The following ATRNL1 variants were observed in gnomAD, a reference collection of about 807,000 sequenced individuals.
ATRNL1 encodes attractin-like protein 1.
In ATRNL1, 95 loss-of-function variants were observed where a neutral mutation model predicts 182.7. The observed-to-expected ratio is 0.52, with a 90% CI of 0.44 to 0.62. The LOEUF (loss-of-function observed/expected upper bound fraction) is 0.62. Ranked by LOEUF, ATRNL1 falls within the 20% of genes least tolerant of loss-of-function variation. The probability of loss-of-function intolerance (pLI) is 0.00; values close to 1 mark genes in which losing one functional copy is unlikely to be tolerated. For missense variants in ATRNL1, 1,471 were observed against 1,679.5 expected (o/e 0.88, Z 2.17); for synonymous variants, 576 against 568.3 (o/e 1.01, Z -0.19).
intron 26 of ATRNL1, among the ~76,000 whole-genome samples, chr10:115,667,667 T>C (rs1861081692): frequency 6.9e-6 from 1 of 145,170 alleles, no homozygotes; most frequent in Non-Finnish European, 1.5e-5. Flanking sequence ...TTTTTTTTCC[T>C]CCTTTGAGAT....
At chr10:115,434,721 A>C (rs774719515) in intron 21 of ATRNL1, among the ~76,000 whole-genome samples, 1 of 152,186 alleles carries the variant, frequency 6.6e-6, no homozygotes, top group Non-Finnish European at 1.5e-5. Context: ...AAAGGCATGC[A>C]TTCCAATAAA....
intron 8 of ATRNL1, among the ~76,000 whole-genome samples, chr10:115,196,157 C>T (rs1242548573): frequency 6.6e-6 from 1 of 150,450 alleles, no homozygotes; most frequent in Admixed American, 6.6e-5. Context: ...ACAGGCAAAA[C>T]CCTGTGCCTG....
At chr10:115,666,743 G>A (rs536377056) in intron 26 of ATRNL1, among the ~76,000 whole-genome samples, 110 of 151,958 alleles carry the variant, frequency 7.2e-4, no homozygotes, top group Non-Finnish European at 1.2e-3. Flanking sequence ...TAAATACTTG[G>A]TATTTAACCT....
chr10:115,933,384 C>G (rs1380852817), intron 28 of ATRNL1, among the ~76,000 whole-genome samples: 1 of 127,796 alleles, frequency 7.8e-6, no homozygotes, highest in East Asian at 2.0e-4. Flanking sequence ...CAGTCCTTCT[C>G]AAGTCATCAA....
intron 23 of ATRNL1, among the ~76,000 whole-genome samples, chr10:115,467,707 C>T (rs1205633952): frequency 6.6e-6 from 1 of 150,608 alleles, no homozygotes; most frequent in Non-Finnish European, 1.5e-5. Flanking sequence ...CCCCTCTTGT[C>T]AGCTTCAGTG....
intron 9 of ATRNL1, among the ~76,000 whole-genome samples, chr10:115,240,572 T>C (rs1230642287): frequency 6.6e-6 from 1 of 152,112 alleles, no homozygotes; most frequent in African/African-American, 2.4e-5. Context: ...TCATATTCTT[T>C]AGAAATTAAT....
intron 26 of ATRNL1, among the ~76,000 whole-genome samples, chr10:115,610,516 G>A (rs1857099821): frequency 1.3e-5 from 2 of 152,100 alleles, no homozygotes; most frequent in South Asian, 4.1e-4. Flanking sequence ...TATCATTTTA[G>A]TCTTATCAGT....
At chr10:115,182,074 A>G (rs1332196316) in intron 8 of ATRNL1, among the ~76,000 whole-genome samples, 1 of 151,628 alleles carries the variant, frequency 6.6e-6, no homozygotes, top group Non-Finnish European at 1.5e-5. Flanking sequence ...AGTGAACAAT[A>G]CATTTTTATT....
intron 26 of ATRNL1, among the ~76,000 whole-genome samples, chr10:115,627,445 A>G: frequency 6.6e-6 from 1 of 151,664 alleles, no homozygotes; most frequent in East Asian, 1.9e-4. Context: ...GCTCATTGCA[A>G]CCTCTGCCTC....
At chr10:115,612,753 A>G (rs1857231502) in intron 26 of ATRNL1, among the ~76,000 whole-genome samples, 1 of 152,196 alleles carries the variant, frequency 6.6e-6, no homozygotes, top group South Asian at 2.1e-4. Flanking sequence ...TCTTTGTAAT[A>G]GTTCTTATCA....
rs1213827367 is a variant in ATRNL1, at chr10:115,650,022, A to G, written c.3796-77226A>G. Among the ~76,000 whole-genome samples the G allele has an allele frequency of 2.0e-5, 3 of 152,272 alleles. No individual in the cohort carries two copies. In the East Asian group the frequency reaches 5.8e-4, roughly 29 times the overall value. ...AGACCTGAATTATCTATGTTTCTTT[A>G]CAAAGTATCTTTTCTCATTTCTGTG... On this transcript the variant is annotated intron_variant, in intron 26 of 28. Transcript: ENST00000355044.
intron 24 of ATRNL1, among the ~76,000 whole-genome samples, chr10:115,500,055 A>G (rs1554979642): frequency 1.3e-5 from 2 of 152,134 alleles, no homozygotes; most frequent in African/African-American, 4.8e-5. Flanking sequence ...TATGTTTATG[A>G]AGAGAAAATA....
intron 25 of ATRNL1, among the ~76,000 whole-genome samples, chr10:115,519,592 A>C (rs908072724): frequency 6.6e-6 from 1 of 152,152 alleles, no homozygotes. Flanking sequence ...CACATAAATA[A>C]TTATAGCCTG....
intron 24 of ATRNL1, among the ~76,000 whole-genome samples, chr10:115,481,542 A>T (rs959644048): frequency 6.6e-6 from 1 of 150,848 alleles, no homozygotes; most frequent in African/African-American, 2.4e-5. Flanking sequence ...GTTGAATTTC[A>T]TACAGTAGGC....
intron 26 of ATRNL1, among the ~76,000 whole-genome samples, chr10:115,627,800 C>A (rs1197477082): frequency 3.3e-5 from 5 of 152,060 alleles, no homozygotes; most frequent in African/African-American, 1.2e-4. Flanking sequence ...GTTTTTACTT[C>A]TTTTGGGTAT....
intron 28 of ATRNL1, among the ~76,000 whole-genome samples, chr10:115,909,134 G>GTT (rs1589678223): frequency 6.6e-6 from 1 of 152,054 alleles, no homozygotes; most frequent in Non-Finnish European, 1.5e-5. Context: ...TAGTGAACTT[G>GTT]TTTTCTCTCT....
chr10:115,502,000 AT>A (rs1849867280), intron 24 of ATRNL1, among the ~76,000 whole-genome samples: 1 of 152,212 alleles, frequency 6.6e-6, no homozygotes, highest in African/African-American at 2.4e-5. Flanking sequence ...GAAGACAACA[AT>A]TGTCCTTGGA....
At position 115,301,960 on chromosome 10, in the gene ATRNL1, C is replaced by T. The variant is rs185511279; in HGVS notation, c.2735C>T (p.Thr912Met). 3.3e-5 allele frequency: 54 copies of T among 1,614,098 alleles called. No homozygotes were observed. Among genetic ancestry groups the T allele is most frequent in the Admixed American group, 2.3e-4 (14 of 60,012 alleles). ...ATGGAGTGTATGTGGTGCAGCAGTA[C>T]GAAACGATGTGTTGACTCTAATGCC... is the stretch of plus-strand genomic sequence containing the variant. ...NGMECMWCSS[T>M]KRCVDSNAYI... The change falls in exon 17 of 29, where the codon ACG becomes ATG. Residue 912 changes from threonine to methionine, a missense_variant. By Grantham distance (81) the Thr-to-Met change is moderately conservative (BLOSUM62 -1). Coordinates refer to ENST00000355044, the MANE Select transcript of ATRNL1 (RefSeq NM_207303.4).
chr10:115,531,112 G>T, intron 25 of ATRNL1, among the ~76,000 whole-genome samples: 1 of 151,852 alleles, frequency 6.6e-6, no homozygotes, highest in African/African-American at 2.4e-5. Flanking sequence ...CTTTATAGCA[G>T]CATGATTTAT....
Sources: gnomAD v4.1 joint callset for allele counts (sites outside exome capture counted in the v4.1 genomes callset) on GRCh38, gnomAD v4.1.1 for gene constraint, MANE v1.5 for transcripts, NCBI Gene and HGNC (gene_info 2026-07-23, HGNC 2026-07-21) for gene names.